Variants in FAT3 observed in about 807,000 individuals in gnomAD.
The protein encoded by FAT3 is FAT atypical cadherin 3.
Under a neutral mutation model 310.2 loss-of-function variants are expected in FAT3, and 95 were observed. The observed-to-expected ratio is 0.31, with a 90% confidence interval of 0.26 to 0.36. FAT3 has a LOEUF of 0.36. FAT3 is among the 10% of genes least tolerant of loss of function. The probability of loss-of-function intolerance (pLI) is 1.00; values close to 1 mark genes in which losing one functional copy is unlikely to be tolerated. For synonymous variants in FAT3, 2,314 were observed against 2,192.9 expected (o/e 1.06, Z -1.54); for missense variants, 5,408 against 5,715.6 (o/e 0.95, Z 1.74).
At chr11:92,670,538 T>C (rs1039214316) in intron 3 of FAT3, among the ~76,000 whole-genome samples, 2 of 152,164 alleles carry the variant, frequency 1.3e-5, no homozygotes, top group African/African-American at 4.8e-5. Flanking sequence ...CTGCCTTGTT[T>C]GGGGGGATGA....
At chr11:92,633,958 A>G (rs903365894) in intron 3 of FAT3, among the ~76,000 whole-genome samples, 1 of 152,198 alleles carries the variant, frequency 6.6e-6, no homozygotes, top group Non-Finnish European at 1.5e-5. Flanking sequence ...CAGATATTAA[A>G]TGAACAGTTC....
chr11:92,654,302 C>T (rs1000070384), intron 3 of FAT3, among the ~76,000 whole-genome samples: 1 of 152,172 alleles, frequency 6.6e-6, no homozygotes, highest in South Asian at 2.1e-4. Flanking sequence ...AGCATCTATA[C>T]ATGGATGATT....
At chr11:92,590,507 G>C (rs1001872529) in intron 3 of FAT3, among the ~76,000 whole-genome samples, 1 of 151,976 alleles carries the variant, frequency 6.6e-6, no homozygotes, top group African/African-American at 2.4e-5. Flanking sequence ...GAAAGGAAGA[G>C]GTCAGGCTCT....
chr11:92,811,477 G>A (rs574077539), intron 13 of FAT3, among the ~76,000 whole-genome samples: 2 of 152,170 alleles, frequency 1.3e-5, no homozygotes, highest in African/African-American at 2.4e-5. Context: ...TGAAACATGA[G>A]GGGGTGGAGT....
rs377199920 is a variant in FAT3, at chr11:92,524,654, A to C, written c.3313A>C (p.Ile1105Leu). The C allele has an allele frequency of 3.2e-5, 52 of 1,613,240 alleles. No homozygotes were observed. In the African/African-American group the frequency reaches 6.3e-4, roughly 19 times the overall value. ...DESGVITAADILDRETMGSYW... is the reference protein window; with the variant it reads ...DESGVITAADLLDRETMGSYW... ...CTCAGGGGTCATCACTGCCGCAGAC[A>C]TTCTTGATCGGGAGACAATGGGGTC... Residue 1105 changes from isoleucine to leucine, a missense_variant, in exon 3 of 28, where the codon ATT (isoleucine) becomes CTT (leucine). By Grantham distance (5) the Ile-to-Leu change is conservative (BLOSUM62 2). Transcript: ENST00000525166.
intron 25 of FAT3, among the ~76,000 whole-genome samples, chr11:92,888,592 G>C (rs1949847074): frequency 6.6e-6 from 1 of 152,176 alleles, no homozygotes; most frequent in Admixed American, 6.5e-5. Flanking sequence ...AACCCATATA[G>C]ACCACAGATA....
chr11:92,852,406 C>T (rs1484470381), intron 19 of FAT3, among the ~76,000 whole-genome samples: 1 of 152,160 alleles, frequency 6.6e-6, no homozygotes, highest in Admixed American at 6.5e-5. Flanking sequence ...CTTCATACTT[C>T]CTTGAGCCAC....
At position 92,476,769 on chromosome 11, in the gene FAT3, A is replaced by G. The variant is rs142411523; in HGVS notation, c.3293-47865A>G. Among the ~76,000 whole-genome samples the G allele has an allele frequency of 3.1e-3, 471 of 152,360 alleles. 4 individuals are homozygous for G. Among genetic ancestry groups the G allele is most frequent in the African/African-American group, 0.011 (448 of 41,592 alleles). ...CATTTACTTAAATGCAGTGGGTACT[A>G]TGAATACTCTGTATTAGAGGATCAA... On this transcript the variant is annotated intron_variant, in intron 2 of 27. Transcript: ENST00000525166.
At position 92,225,079 on chromosome 11, in the gene FAT3, G is replaced by A. The variant is rs1374992549; in HGVS notation, c.-113G>A. Among the ~76,000 whole-genome samples, 1 of 152,168 alleles carries A rather than the reference G, an allele frequency of 6.6e-6. No individual in the cohort carries two copies. Among genetic ancestry groups the A allele is most frequent in the Non-Finnish European group, 1.5e-5 (1 of 68,026 alleles). Reference sequence around the variant, plus strand: ...GGGCGCTGCGGCGGCAGCAGCCGGGGGACCGGCTCGCCCGGAGCAAGAGCG... The same window carrying A: ...GGGCGCTGCGGCGGCAGCAGCCGGGAGACCGGCTCGCCCGGAGCAAGAGCG... On this transcript the variant is annotated 5_prime_UTR_variant, in exon 1 of 28. Coordinates refer to ENST00000525166, the MANE Select transcript of FAT3 (RefSeq NM_001367949.2).
intron 3 of FAT3, among the ~76,000 whole-genome samples, chr11:92,611,500 C>T (rs763648768): frequency 2.0e-5 from 3 of 152,130 alleles, no homozygotes; most frequent in African/African-American, 2.4e-5. Flanking sequence ...CTCCACCTCC[C>T]GGGTTCAAGC....
At position 92,247,479 on chromosome 11, in the gene FAT3, C is replaced by T. The variant is rs542845324; in HGVS notation, c.-18+22305C>T. Among the ~76,000 whole-genome samples, 7 of 152,024 alleles carry T rather than the reference C, an allele frequency of 4.6e-5. No homozygotes were observed. In the East Asian group the frequency reaches 9.7e-4, roughly 21 times the overall value. On this transcript the variant is annotated intron_variant, in intron 1 of 27. Coordinates refer to ENST00000525166, the MANE Select transcript of FAT3 (RefSeq NM_001367949.2). ...CCTCATTTTTTCCACCTGGCAGAAG[C>T]GTGAAGAAAGATTACAGACACATGG...
At chr11:92,657,571 G>C (rs991509758) in intron 3 of FAT3, among the ~76,000 whole-genome samples, 2 of 152,232 alleles carry the variant, frequency 1.3e-5, no homozygotes, top group African/African-American at 2.4e-5. Flanking sequence ...TGGGATGTTG[G>C]AGTGTGCTGT....
intron 5 of FAT3, among the ~76,000 whole-genome samples, chr11:92,763,853 T>A (rs1212436430): frequency 6.6e-6 from 1 of 152,052 alleles, no homozygotes; most frequent in Non-Finnish European, 1.5e-5. Context: ...GAACCTGGCT[T>A]AAGACATGTA....
rs1291277605 is a variant in FAT3 at position 92,866,876 on chromosome 11, T to A, written c.11794T>A (p.Ser3932Thr). 23 of 1,613,870 alleles carry A rather than the reference T, an allele frequency of 1.4e-5. No individual in the cohort carries two copies. The highest frequency in any genetic ancestry group is 5.0e-5 in the Admixed American group (3 of 60,008). The part of the protein sequence containing the change: ...LELNRNFTSL[S>T]LDDSYVERRR... ...GCTCAACCGCAATTTCACGAGCCTG[T>A]CCCTGGATGACAGCTACGTGGAGCG... Residue 3932 changes from serine (S) to threonine (T), a missense_variant, in exon 22 of 28, where the codon TCC becomes ACC. Around this residue, in one of 5 missense-constraint regions of FAT3, gnomAD observed 4,588 missense variants for 4,809.8 expected, o/e 0.95. Coordinates refer to ENST00000525166, the MANE Select transcript of FAT3 (RefSeq NM_001367949.2).
At chr11:92,315,905 T>A (rs1157047640) in intron 1 of FAT3, among the ~76,000 whole-genome samples, 1 of 152,148 alleles carries the variant, frequency 6.6e-6, no homozygotes, top group African/African-American at 2.4e-5. Flanking sequence ...TTGAAATTTG[T>A]CTTCATACAT....
chr11:92,875,747 A>G (rs1949517646), intron 22 of FAT3, among the ~76,000 whole-genome samples: 1 of 152,162 alleles, frequency 6.6e-6, no homozygotes, highest in Non-Finnish European at 1.5e-5. Context: ...ACCACCATCT[A>G]TGACTTAGGC....
intron 1 of FAT3, among the ~76,000 whole-genome samples, chr11:92,315,506 TATATATAGAGAGAG>T (rs1340281354): frequency 4.9e-3 from 425 of 86,458 alleles, no homozygotes; most frequent in African/African-American, 0.017. Flanking sequence ...TATATATATA[TATATATAGAGAGAG>T]AGAGAGAGAG....
intron 3 of FAT3, among the ~76,000 whole-genome samples, chr11:92,680,490 A>G (rs1399375933): frequency 2.0e-5 from 3 of 152,146 alleles, no homozygotes; most frequent in African/African-American, 7.2e-5. Context: ...TACCAGTACC[A>G]TGTGGTTTGG....
At chr11:92,422,374 C>A (rs958494507) in intron 2 of FAT3, among the ~76,000 whole-genome samples, 3 of 152,170 alleles carry the variant, frequency 2.0e-5, no homozygotes, top group Non-Finnish European at 4.4e-5. Context: ...GCCTCCTTCA[C>A]TTTTTCAGTG....
Sources: gnomAD v4.1 joint callset for allele counts (sites outside exome capture counted in the v4.1 genomes callset) on GRCh38, gnomAD v4.1.1 for gene constraint, gnomAD v4.1.1 regional missense constraint, MANE v1.5 for transcripts, NCBI Gene and HGNC (gene_info 2026-07-23, HGNC 2026-07-21) for gene names.